Variants in PDZD2 observed in about 807,000 individuals in gnomAD.
PDZD2 encodes PDZ domain-containing protein 2.
A neutral mutation model predicts 220.7 loss-of-function variants in PDZD2; 90 were observed. The observed-to-expected ratio is 0.41, with a 90% CI of 0.34 to 0.49. The LOEUF (loss-of-function observed/expected upper bound fraction) is 0.49, where lower values mean the gene tolerates loss of function less well. PDZD2 is among the 20% of genes least tolerant of loss of function. PDZD2 has a pLI of 0.28. For missense variants in PDZD2, 3,174 were observed against 3,608.5 expected, an observed-to-expected ratio of 0.88 and a Z score of 3.08; for synonymous variants, 1,375 against 1,450.5, an observed-to-expected ratio of 0.95 and a Z score of 1.18.
intron 4 of PDZD2, among the ~76,000 whole-genome samples, chr5:31,996,624 G>A (rs1263450430): frequency 6.6e-6 from 1 of 152,036 alleles, no homozygotes; most frequent in African/African-American, 2.4e-5. Context: ...ACGAGAATGG[G>A]TTGAACCTAG....
chr5:31,850,095 C>T (rs150074685), intron 2 of PDZD2, among the ~76,000 whole-genome samples: 751 of 75,638 alleles, frequency 9.9e-3, no homozygotes, highest in African/African-American at 0.021. Context: ...AGTATATATA[C>T]GTGTATATAT....
At chr5:32,054,597 T>C (rs1266377492) in intron 10 of PDZD2, among the ~76,000 whole-genome samples, 1 of 152,058 alleles carries the variant, frequency 6.6e-6, no homozygotes, top group Non-Finnish European at 1.5e-5. Context: ...AGTGCTAGGA[T>C]TACAGGCATG....
chr5:32,028,684 G>GTTT (rs1287949594), intron 6 of PDZD2, among the ~76,000 whole-genome samples: 9 of 97,490 alleles, frequency 9.2e-5, no homozygotes, highest in South Asian at 3.5e-4. Context: ...TGTTTTTTTT[G>GTTT]TTTTTTTTTT....
Position 31,691,407 on chromosome 5 carries a change from G to A in PDZD2, c.-361+51970G>A, listed in dbSNP as rs546479643. Among the ~76,000 whole-genome samples the A allele has an allele frequency of 2.6e-4, 36 of 136,836 alleles. 2 individuals carry two copies. The South Asian group carries it at 7.1e-3, about 27-fold the overall frequency. The allele number at this position is 136,836 out of a possible 152,430, so 89.8% of individuals were successfully genotyped here. ...AGAGCGAAAGAACAAAGCTCCCGTA[G>A]AGTGGAAGGGGGCCCGAACAGGTTG... is the stretch of plus-strand genomic sequence containing the variant. On this transcript the variant is annotated intron_variant, in intron 1 of 24. Transcript: ENST00000438447.
intron 1 of PDZD2, among the ~76,000 whole-genome samples, chr5:31,763,154 G>A (rs930914769): frequency 1.3e-5 from 2 of 152,176 alleles, no homozygotes; most frequent in Non-Finnish European, 2.9e-5. Context: ...TTTGGAAGCT[G>A]CAGGGCTCTG....
At chr5:31,675,388 TTG>T (rs1299400126) in intron 1 of PDZD2, among the ~76,000 whole-genome samples, 1 of 152,146 alleles carries the variant, frequency 6.6e-6, no homozygotes, top group Non-Finnish European at 1.5e-5. Flanking sequence ...GAAGCAAAGC[TTG>T]TGGAAAGGCC....
At chr5:31,857,396 T>C (rs1360733648) in intron 2 of PDZD2, among the ~76,000 whole-genome samples, 1 of 152,174 alleles carries the variant, frequency 6.6e-6, no homozygotes, top group African/African-American at 2.4e-5. Flanking sequence ...TCTTCCTTTT[T>C]CTTTACATTC....
intron 19 of PDZD2, among the ~76,000 whole-genome samples, chr5:32,082,021 CTTTG>C (rs1216454441): frequency 8.7e-6 from 1 of 114,336 alleles, no homozygotes; most frequent in Non-Finnish European, 1.8e-5. Context: ...CCTGGCATAT[CTTTG>C]TTTTTTTTTT....
rs903408878 is a variant in PDZD2, at chr5:32,090,750, T to C, written c.7302T>C (p.Ser2434=). The part of the protein sequence containing the change: ...TISRQNPPET[S]SKGSDSELKK... Reference sequence around the variant, plus strand: ...CTCGGCAGAACCCACCAGAGACCAGTAGCAAGGGCTCTGATTCGGAACTAA... The same window carrying C: ...CTCGGCAGAACCCACCAGAGACCAGCAGCAAGGGCTCTGATTCGGAACTAA... The change falls in exon 20 of 25, where the codon AGT becomes AGC. Residue 2434 remains serine (S), a synonymous_variant. Coordinates refer to ENST00000438447, the MANE Select transcript of PDZD2 (RefSeq NM_178140.4). This position sits in a 1 kb window ranked among gnomAD's most constrained non-coding sequence, Gnocchi z 4.3. 8 of 1,614,070 alleles carry C rather than the reference T, an allele frequency of 5.0e-6. No individual in the cohort carries two copies. The highest frequency in any genetic ancestry group is 6.8e-6 in the Non-Finnish European group (8 of 1,179,992).
chr5:31,929,134 C>T (rs562038916), intron 2 of PDZD2, among the ~76,000 whole-genome samples: 2 of 152,280 alleles, frequency 1.3e-5, no homozygotes, highest in East Asian at 1.9e-4. Flanking sequence ...CTGTGCTCAG[C>T]GTCGTGGAGT....
intron 2 of PDZD2, among the ~76,000 whole-genome samples, chr5:31,950,457 A>G (rs949785129): frequency 2.6e-5 from 4 of 152,226 alleles, no homozygotes. Flanking sequence ...AGAAGATGGT[A>G]TGGGAAGACA....
chr5:31,823,034 G>T, intron 2 of PDZD2: 1 of 1,169,684 alleles, frequency 8.5e-7, no homozygotes, highest in Non-Finnish European at 1.2e-6. Flanking sequence ...AAGTCCCTCC[G>T]CAGGGTTCCT....
At chr5:31,761,346 G>A (rs185556560) in intron 1 of PDZD2, among the ~76,000 whole-genome samples, 1 of 152,062 alleles carries the variant, frequency 6.6e-6, no homozygotes, top group Non-Finnish European at 1.5e-5. Context: ...TGGTAGCAGC[G>A]GGAGTAGAGA....
At chr5:31,644,295 A>G (rs1425149239) in intron 1 of PDZD2, among the ~76,000 whole-genome samples, 1 of 152,220 alleles carries the variant, frequency 6.6e-6, no homozygotes, top group Non-Finnish European at 1.5e-5. Flanking sequence ...CCTATTATCC[A>G]TACTTTAGAA....
At chr5:32,007,843 CG>C in intron 5 of PDZD2, among the ~76,000 whole-genome samples, 1 of 152,290 alleles carries the variant, frequency 6.6e-6, no homozygotes, top group African/African-American at 2.4e-5. Flanking sequence ...TCATGTGCTG[CG>C]GCATTTCCCC....
At chr5:31,841,715 G>A (rs529036270) in intron 2 of PDZD2, among the ~76,000 whole-genome samples, 1 of 151,972 alleles carries the variant, frequency 6.6e-6, no homozygotes, top group South Asian at 2.1e-4. Flanking sequence ...GCTCACACCT[G>A]TAATCCCAGC....
At chr5:31,719,586 T>C (rs1748661356) in intron 1 of PDZD2, among the ~76,000 whole-genome samples, 1 of 152,238 alleles carries the variant, frequency 6.6e-6, no homozygotes, top group Non-Finnish European at 1.5e-5. Flanking sequence ...ACATCACTAG[T>C]ATTCCAAAGG....
At chr5:31,808,910 C>T (rs1351216504) in intron 2 of PDZD2, among the ~76,000 whole-genome samples, 1 of 149,100 alleles carries the variant, frequency 6.7e-6, no homozygotes, top group Non-Finnish European at 1.5e-5. Flanking sequence ...AACTGGGAGG[C>T]GGAGGTTGCA....
intron 1 of PDZD2, among the ~76,000 whole-genome samples, chr5:31,795,180 G>A (rs1476727001): frequency 6.6e-6 from 1 of 152,168 alleles, no homozygotes; most frequent in African/African-American, 2.4e-5. Flanking sequence ...TGTTGGGTAG[G>A]ATCGAGCTTT....
Sources: gnomAD v4.1 joint callset for allele counts (sites outside exome capture counted in the v4.1 genomes callset) on GRCh38, gnomAD v4.1.1 for gene constraint, Gnocchi (gnomAD v3.1) non-coding constraint, MANE v1.5 for transcripts, NCBI Gene and HGNC (gene_info 2026-07-23, HGNC 2026-07-21) for gene names.